MAGEB10: variants seen among roughly 807,000 people sequenced by gnomAD.
MAGEB10 encodes the protein MAGE family member B10, also known as melanoma-associated antigen B10.
For synonymous variants in MAGEB10, 99 were observed against 101.0 expected (o/e 0.98, Z 0.12); for missense variants, 190 against 261.9 (o/e 0.73, Z 1.89).
chrX:27,811,580 G>A (rs1923684663), intron 1 of MAGEB10, among the ~76,000 whole-genome samples: 2 of 111,777 alleles, frequency 1.8e-5, no homozygotes, highest in African/African-American at 6.5e-5. Flanking sequence ...CAGAAAAAAA[G>A]GAAGCTCCAT....
chrX:27,808,348 A>G (rs944827576), intron 1 of MAGEB10, among the ~76,000 whole-genome samples: 2 of 111,650 alleles, frequency 1.8e-5, no homozygotes, highest in African/African-American at 6.5e-5. Flanking sequence ...AGGACTTAAT[A>G]TTACTACTAC....
chrX:27,819,095 G>A (rs146663542), intron 2 of MAGEB10, among the ~76,000 whole-genome samples: 223 of 111,126 alleles, frequency 2.0e-3, no homozygotes, highest in African/African-American at 6.8e-3. Flanking sequence ...ATGCCTCGAT[G>A]TTAGGCCCAG....
chrX:27,809,723 C>T (rs1343590784), intron 1 of MAGEB10, among the ~76,000 whole-genome samples: 5 of 97,568 alleles, frequency 5.1e-5, no homozygotes, highest in East Asian at 6.7e-4. Flanking sequence ...GGCCCCAGTG[C>T]GGGATCCACT....
Position 27,821,982 on chromosome X carries a change from G to C in MAGEB10, c.676G>C (p.Val226Leu), listed in dbSNP as rs763592465. Reference sequence around the variant, plus strand: ...TGTCGCTGAGGAGGAAGTCTGGAAAGTGTTTAACACGATGGGGTTATATGA... The same window carrying C: ...TGTCGCTGAGGAGGAAGTCTGGAAACTGTTTAACACGATGGGGTTATATGA... ...NCVAEEEVWK[V>L]FNTMGLYDGI... Residue 226 changes from valine (V) to leucine (L), a missense_variant, in exon 3 of 3, where the codon GTG becomes CTG. By Grantham distance (32) the Val-to-Leu change is conservative. Coordinates refer to ENST00000356790, the MANE Select transcript of MAGEB10 (RefSeq NM_182506.3). 9.1e-6 allele frequency: 11 copies of C among 1,212,008 alleles called. No homozygotes were observed. The South Asian group carries it at 1.9e-4, about 21-fold the overall frequency.
chrX:27,820,167 T>A (rs1323830173), intron 2 of MAGEB10, among the ~76,000 whole-genome samples: 6 of 110,310 alleles, frequency 5.4e-5, no homozygotes, highest in Admixed American at 9.6e-5. Context: ...AAGAGAGGGG[T>A]TCATAACAGA....
chrX:27,821,586 C>T lies in MAGEB10; in HGVS notation c.280C>T (p.Pro94Ser). The T allele has an allele frequency of 8.3e-7, 1 of 1,210,194 alleles. No individual in the cohort carries two copies. Among genetic ancestry groups the T allele is most frequent in the Non-Finnish European group, 1.1e-6 (1 of 894,736 alleles). ...EGVNDQMEERPICTQDLEATD... is the reference protein window; with the variant it reads ...EGVNDQMEERSICTQDLEATD... ...AGTCAACGACCAAATGGAAGAAAGG[C>T]CAATATGCACACAAGATCTAGAAGC... is the stretch of plus-strand genomic sequence containing the variant. Residue 94 changes from proline (P) to serine (S), a missense_variant, in exon 3 of 3, where the codon CCA (proline) becomes TCA (serine). Physicochemically the swap from Pro to Ser is moderately conservative, Grantham distance 74. Coordinates refer to ENST00000356790, the MANE Select transcript of MAGEB10 (RefSeq NM_182506.3).
intron 1 of MAGEB10, among the ~76,000 whole-genome samples, chrX:27,815,996 A>G (rs1842700739): frequency 9.0e-6 from 1 of 111,318 alleles, no homozygotes; most frequent in African/African-American, 3.3e-5. Context: ...TCAGGCTATC[A>G]GTTGGAGCTG....
At chrX:27,814,680 T>C (rs1169619906) in intron 1 of MAGEB10, among the ~76,000 whole-genome samples, 1 of 111,702 alleles carries the variant, frequency 9.0e-6, no homozygotes, top group East Asian at 2.8e-4. Context: ...ATACATTACA[T>C]ACAACCCAGA....
In MAGEB10 at chrX:27,821,752, T is replaced by A. The variant is rs1367089158; in HGVS notation, c.446T>A (p.Phe149Tyr). Reference protein sequence around the residue: ...RNVTQMSKSQFPVILSRASEH... With the variant: ...RNVTQMSKSQYPVILSRASEH... ...GTAACCCAAATGTCCAAGAGCCAGT[T>A]CCCTGTAATCCTGAGCAGAGCTTCT... Residue 149 changes from phenylalanine (F) to tyrosine (Y), a missense_variant, in exon 3 of 3, where the codon TTC becomes TAC. Transcript: ENST00000356790. 3 of 1,210,097 alleles carry A rather than the reference T, an allele frequency of 2.5e-6. No homozygotes were observed. Among genetic ancestry groups the A allele is most frequent in the African/African-American group, 3.5e-5 (2 of 57,123 alleles).
At chrX:27,809,402 TCCAACCCCGCCAGCCCCCC>T (rs1199929780) in intron 1 of MAGEB10, among the ~76,000 whole-genome samples, 4 of 4,307 alleles carry the variant, frequency 9.3e-4, no homozygotes, top group Admixed American at 2.8e-3. Flanking sequence ...GCCAGCCCCC[TCCAACCCCGCCAGCCCCCC>T]CCAACCCCGC....
intron 1 of MAGEB10, among the ~76,000 whole-genome samples, chrX:27,810,007 A>G (rs771906070): frequency 9.1e-6 from 1 of 110,261 alleles, no homozygotes; most frequent in East Asian, 2.9e-4. Flanking sequence ...TAGCTCAGGG[A>G]TTGTAAATGC....
chrX:27,818,681 G>C (rs1923827732), intron 2 of MAGEB10, among the ~76,000 whole-genome samples: 1 of 111,703 alleles, frequency 9.0e-6, no homozygotes, highest in Admixed American at 9.5e-5. Context: ...GTAGGGTGCT[G>C]GTTTTCAAGG....
Position 27,822,287 on chromosome X carries a change from C to T in MAGEB10, c.981C>T (p.Arg327=), listed in dbSNP as rs968206680. ...GAGCCAGAGTTGCAGCCAAGGCTCG[C>T]GTTAGTGCCACAGCCGGTGCACGTT... ...RARARVAAKA[R]VSATAGARSK... is the part of the protein sequence containing the mutation. The change falls in exon 3 of 3, where the codon CGC becomes CGT. Residue 327 remains arginine (R), a synonymous_variant. Coordinates refer to ENST00000356790, the MANE Select transcript of MAGEB10 (RefSeq NM_182506.3). 2 of 1,211,513 alleles carry T rather than the reference C, an allele frequency of 1.7e-6. No homozygotes were observed. Among genetic ancestry groups the T allele is most frequent in the Admixed American group, 2.2e-5 (1 of 46,028 alleles).
At chrX:27,815,155 A>T (rs1032218812) in intron 1 of MAGEB10, among the ~76,000 whole-genome samples, 63 of 111,432 alleles carry the variant, frequency 5.7e-4, no homozygotes, top group African/African-American at 2.0e-3. Context: ...TTGTGCCCAA[A>T]TCTGGATCCT....
At chrX:27,819,890 A>G (rs1299435454) in intron 2 of MAGEB10, among the ~76,000 whole-genome samples, 1 of 111,327 alleles carries the variant, frequency 9.0e-6, no homozygotes, top group Non-Finnish European at 1.9e-5. Context: ...CAGCAGAGGG[A>G]GGAGTTCCAG....
chrX:27,816,860 T>C (rs911802763), intron 1 of MAGEB10, among the ~76,000 whole-genome samples: 4 of 111,676 alleles, frequency 3.6e-5, no homozygotes, highest in Non-Finnish European at 5.7e-5. Flanking sequence ...TTATAATAGT[T>C]AATTGGACAG....
chrX:27,809,396 G>T (rs1227922205), intron 1 of MAGEB10, among the ~76,000 whole-genome samples: 8 of 8,393 alleles, frequency 9.5e-4, no homozygotes, highest in Middle Eastern at 0.11. Context: ...AACCCCGCCA[G>T]CCCCCTCCAA....
chrX:27,818,839 T>C (rs943992639), intron 2 of MAGEB10, among the ~76,000 whole-genome samples: 1 of 111,800 alleles, frequency 8.9e-6, no homozygotes, highest in Non-Finnish European at 1.9e-5. Context: ...TGAAAATTTT[T>C]ATAAAGGGGG....
chrX:27,808,240 T>C lies in MAGEB10; in HGVS notation c.-199+204T>C, dbSNP rs185854558. On this transcript the variant is annotated intron_variant, in intron 1 of 2. Coordinates refer to ENST00000356790, the MANE Select transcript of MAGEB10 (RefSeq NM_182506.3). Reference sequence around the variant, plus strand: ...GGCATCAAGCCACCAGAGATTGGGGTCTTAGAACCCTCCAGTAGTCAATAA... The same window carrying C: ...GGCATCAAGCCACCAGAGATTGGGGCCTTAGAACCCTCCAGTAGTCAATAA... Among the ~76,000 whole-genome samples the C allele has an allele frequency of 2.4e-4, 27 of 111,860 alleles. No homozygotes were observed. In the East Asian group the frequency reaches 5.2e-3, roughly 21 times the overall value.
Sources: gnomAD v4.1 joint callset for allele counts (sites outside exome capture counted in the v4.1 genomes callset) on GRCh38, gnomAD v4.1.1 for gene constraint, MANE v1.5 for transcripts, NCBI Gene and HGNC (gene_info 2026-07-23, HGNC 2026-07-21) for gene names.